The following TET3 variants were observed in gnomAD, a reference collection of about 807,000 sequenced individuals.
The protein encoded by TET3 is methylcytosine dioxygenase TET3.
A neutral mutation model predicts 141.4 loss-of-function variants in TET3; 19 were observed. The observed-to-expected ratio is 0.13, with a 90% confidence interval of 0.09 to 0.20. TET3 has a LOEUF of 0.20. TET3 is among the 10% of genes least tolerant of loss of function. TET3 has a pLI of 1.00. For synonymous variants in TET3, 1,043 were observed against 980.9 expected, an observed-to-expected ratio of 1.06 and a Z score of -1.18; for missense variants, 1,874 against 2,356.9, an observed-to-expected ratio of 0.80 and a Z score of 4.24.
intron 4 of TET3, among the ~76,000 whole-genome samples, chr2:74,062,508 G>T (rs941199021): frequency 6.6e-6 from 1 of 152,174 alleles, no homozygotes; most frequent in Non-Finnish European, 1.5e-5. Flanking sequence ...TGTTCCTGAG[G>T]ATACCAGTGA....
At chr2:74,022,204 T>C (rs1558719821) in intron 3 of TET3, among the ~76,000 whole-genome samples, 1 of 150,902 alleles carries the variant, frequency 6.6e-6, no homozygotes, top group South Asian at 2.1e-4. Context: ...CTGATTGGCA[T>C]AAAAATGAGT....
Position 74,101,261 on chromosome 2 carries a change from G to T in TET3, c.4473G>T (p.Gly1491=), listed in dbSNP as rs745580422. The T allele has an allele frequency of 8.1e-6, 13 of 1,612,406 alleles. No homozygotes were observed. In the African/African-American group the frequency reaches 1.7e-4, roughly 22 times the overall value. ...APSHFTDGQW[G]LFPGEGQQAA... ...CCCACTTCACAGATGGCCAGTGGGG[G>T]CTGTTCCCCGGTGAGGGGCAGCAGG... Residue 1491 remains glycine, a synonymous_variant, in exon 12 of 12, where the codon GGG becomes GGT. Transcript: ENST00000409262. The surrounding 1 kb of genome is among the most constrained non-coding windows in gnomAD (Gnocchi z 8.5).
In TET3 at chr2:74,100,606, A is replaced by G. The variant is rs1393878950; in HGVS notation, c.3818A>G (p.Asn1273Ser). The change falls in exon 12 of 12, where the codon AAT (asparagine) becomes AGT (serine). Residue 1273 changes from asparagine (N) to serine (S), a missense_variant. Physicochemically the swap from Asn to Ser is conservative, Grantham distance 46. Around this residue, in one of 10 missense-constraint regions of TET3, gnomAD observed 602 missense variants for 590.2 expected, o/e 1.02. Coordinates refer to ENST00000409262, the MANE Select transcript of TET3 (RefSeq NM_001287491.2). ...YYAQPSLTSV[N>S]GFHSKYALPS... ...GCACAGCCCAGCCTGACCTCCGTCA[A>G]TGGCTTCCACTCCAAGTACGCTCTC... is the stretch of plus-strand genomic sequence containing the variant. 10 of 1,613,910 alleles carry G rather than the reference A, an allele frequency of 6.2e-6. No individual in the cohort carries two copies. The highest frequency in any genetic ancestry group is 8.5e-6 in the Non-Finnish European group (10 of 1,179,856).
the TET3 span, among the ~76,000 whole-genome samples, chr2:74,114,079 C>T: frequency 6.6e-6 from 1 of 152,114 alleles, no homozygotes; most frequent in Non-Finnish European, 1.5e-5. Flanking sequence ...ATAACCAAAA[C>T]AGCATGGTAC....
At chr2:74,070,561 C>G (rs1689150363) in intron 4 of TET3, among the ~76,000 whole-genome samples, 1 of 152,218 alleles carries the variant, frequency 6.6e-6, no homozygotes, top group African/African-American at 2.4e-5. Context: ...GTCAACCATG[C>G]TGTTGCAGGT....
At chr2:74,109,020 C>T (rs760270849), downstream of TET3, among the ~76,000 whole-genome samples, 17 of 152,256 alleles carry the variant, frequency 1.1e-4, no homozygotes, top group Non-Finnish European at 2.4e-4. Flanking sequence ...ACCTGGCTAT[C>T]CAGGGATCCT....
intron 3 of TET3, among the ~76,000 whole-genome samples, chr2:74,029,984 C>A (rs1365623508): frequency 6.6e-6 from 1 of 152,118 alleles, no homozygotes; most frequent in East Asian, 1.9e-4. Flanking sequence ...GATAGTGGTA[C>A]AGTATCAGTT....
At chr2:74,006,613 T>G (rs957295081) in intron 3 of TET3, among the ~76,000 whole-genome samples, 2 of 152,160 alleles carry the variant, frequency 1.3e-5, no homozygotes, top group African/African-American at 4.8e-5. Context: ...CTGCTAGAAA[T>G]GGGCTTTGTG....
chr2:74,025,667 C>G lies in TET3; in HGVS notation c.361-20611C>G, dbSNP rs551630627. 3.3e-5 allele frequency among the ~76,000 whole-genome samples: 5 copies of G among 152,288 alleles called. 1 individual carries two copies. In the South Asian group the frequency reaches 1.0e-3, roughly 32 times the overall value. On this transcript the variant is annotated intron_variant, in intron 3 of 11. Coordinates refer to ENST00000409262, the MANE Select transcript of TET3 (RefSeq NM_001287491.2). ...GCATTATTATACCAGCTAACCTAGG[C>G]TTACTTAAATTTTACCAATCGTTAC... is the stretch of plus-strand genomic sequence containing the variant.
intron 6 of TET3, among the ~76,000 whole-genome samples, chr2:74,081,061 A>G (rs892891717): frequency 1.3e-5 from 2 of 152,228 alleles, no homozygotes; most frequent in Non-Finnish European, 2.9e-5. Context: ...CCTGAAGGCT[A>G]GCATGCTGAG....
intron 4 of TET3, among the ~76,000 whole-genome samples, chr2:74,065,311 A>C (rs188395948): frequency 2.0e-5 from 3 of 152,302 alleles, no homozygotes; most frequent in Admixed American, 2.0e-4. Flanking sequence ...TGGACTAATG[A>C]ATATTTATAT....
At chr2:74,063,714 GA>G (rs1250441901) in intron 4 of TET3, among the ~76,000 whole-genome samples, 1 of 152,060 alleles carries the variant, frequency 6.6e-6, no homozygotes, top group Non-Finnish European at 1.5e-5. Context: ...AAGTTCTAGA[GA>G]TCTGCTGTAC....
the TET3 span, chr2:74,121,767 G>A: frequency 1.3e-5 from 2 of 152,268 alleles, no homozygotes; most frequent in Non-Finnish European, 2.9e-5. Flanking sequence ...GGAGTCTGAG[G>A]CAGGTGGATC....
intron 3 of TET3, among the ~76,000 whole-genome samples, chr2:74,008,295 C>A (rs1685247583): frequency 2.6e-5 from 4 of 152,200 alleles, no homozygotes. Context: ...AAGGATGCCT[C>A]CTGCCTTCTC....
At chr2:74,118,864 T>G in the TET3 span, among the ~76,000 whole-genome samples, 1 of 152,230 alleles carries the variant, frequency 6.6e-6, no homozygotes, top group Admixed American at 6.5e-5. Flanking sequence ...CCCAGGAAAC[T>G]GATATATTAT....
intron 3 of TET3, among the ~76,000 whole-genome samples, chr2:74,023,914 C>T (rs1686203121): frequency 6.6e-6 from 1 of 152,130 alleles, no homozygotes; most frequent in Non-Finnish European, 1.5e-5. Flanking sequence ...AATACCACTA[C>T]ATTTTGTTTT....
At chr2:74,035,941 C>T (rs928825579) in intron 3 of TET3, among the ~76,000 whole-genome samples, 5 of 151,780 alleles carry the variant, frequency 3.3e-5, no homozygotes, top group East Asian at 1.9e-4. Context: ...TCATTGAGCC[C>T]GGGAGGCAGA....
At chr2:74,074,699 AAC>A (rs1491087048) in intron 5 of TET3, among the ~76,000 whole-genome samples, 4 of 152,220 alleles carry the variant, frequency 2.6e-5, no homozygotes, top group Non-Finnish European at 4.4e-5. Context: ...TGCTGATAAA[AAC>A]ACACTGTAGG....
chr2:73,989,002 T>TTG (rs1180713296), intron 2 of TET3, among the ~76,000 whole-genome samples: 1 of 148,628 alleles, frequency 6.7e-6, no homozygotes, highest in Admixed American at 6.6e-5. Flanking sequence ...TTTTTTTGTT[T>TTG]TTTTTTTTTT....
Sources: allele counts gnomAD v4.1 joint callset (sites outside exome capture counted in the v4.1 genomes callset), GRCh38; gene constraint gnomAD v4.1.1; regional missense constraint gnomAD v4.1.1; non-coding constraint Gnocchi (gnomAD v3.1); transcripts MANE v1.5; gene names NCBI Gene and HGNC (gene_info 2026-07-23, HGNC 2026-07-21).